The following ARFGAP3 variants were observed in gnomAD, a reference collection of about 807,000 sequenced individuals.
ARFGAP3 encodes the protein ADP-ribosylation factor GTPase-activating protein 3.
ARFGAP3 carries 72 observed loss-of-function variants against 75.0 expected under a neutral mutation model. That is an observed-to-expected ratio of 0.96 (90% CI 0.79 to 1.17). ARFGAP3 has a LOEUF of 1.17. Ranked by LOEUF, ARFGAP3 falls within the 50% of genes most tolerant of loss-of-function variation. The pLI is 0.00. For synonymous variants in ARFGAP3, 221 were observed against 217.9 expected, an observed-to-expected ratio of 1.01 and a Z score of -0.13; for missense variants, 620 against 626.6, an observed-to-expected ratio of 0.99 and a Z score of 0.11.
chr22:42,840,301 T>C (rs1569165879), intron 3 of ARFGAP3, among the ~76,000 whole-genome samples: 1 of 152,146 alleles, frequency 6.6e-6, no homozygotes, highest in Non-Finnish European at 1.5e-5. Context: ...TTATTAGGTG[T>C]TTAACAGATT....
intron 3 of ARFGAP3, among the ~76,000 whole-genome samples, chr22:42,836,701 G>A (rs1368352595): frequency 6.6e-6 from 1 of 152,140 alleles, no homozygotes; most frequent in Non-Finnish European, 1.5e-5. Flanking sequence ...ATCCTTTGAT[G>A]AACCTAATTT....
chr22:42,856,992 G>T, intron 1 of ARFGAP3, 122 bp downstream of exon 1: 1 of 1,042,478 alleles, frequency 9.6e-7, no homozygotes, highest in Non-Finnish European at 1.2e-6. Flanking sequence ...CGGCCCCACA[G>T]TGCGACGTGT....
chr22:42,806,277 G>A (rs1925117675), intron 14 of ARFGAP3, among the ~76,000 whole-genome samples: 1 of 152,128 alleles, frequency 6.6e-6, no homozygotes, highest in African/African-American at 2.4e-5. Flanking sequence ...CCCCACTGTG[G>A]CCTGGCAGAG....
intron 14 of ARFGAP3, among the ~76,000 whole-genome samples, chr22:42,806,121 T>G (rs991151712): frequency 6.6e-6 from 1 of 152,334 alleles, no homozygotes. Flanking sequence ...CCAGCTCCTC[T>G]AGGCCTAGGG....
chr22:42,848,936 C>A (rs905439919), intron 1 of ARFGAP3, among the ~76,000 whole-genome samples: 5 of 152,208 alleles, frequency 3.3e-5, no homozygotes, highest in Non-Finnish European at 7.3e-5. Context: ...CTGTCTCCCC[C>A]ACTCTCTTTT....
At chr22:42,803,661 G>A (rs759808814) in intron 14 of ARFGAP3, among the ~76,000 whole-genome samples, 10 of 152,158 alleles carry the variant, frequency 6.6e-5, no homozygotes, top group Non-Finnish European at 1.3e-4. Context: ...CCATGGGTGT[G>A]ACCACAGGGA....
rs1925907541 is a variant in ARFGAP3 at position 42,823,638 on chromosome 22, A to G, written c.672+18T>C. The G allele has an allele frequency of 6.6e-7, 1 of 1,511,126 alleles. No homozygotes were observed. Among genetic ancestry groups the G allele is most frequent in the South Asian group, 1.3e-5 (1 of 79,466 alleles). The allele number at this position is 1,511,126 out of a possible 1,614,324, so 93.6% of individuals were successfully genotyped here. On this transcript the variant is annotated intron_variant, in intron 8 of 15. Coordinates refer to ENST00000263245, the MANE Select transcript of ARFGAP3 (RefSeq NM_014570.5). ...GCTTAACTACCAGATTTTTATATAT[A>G]AAGTACATAATACTCACGCCTTTTT...
intron 11 of ARFGAP3, among the ~76,000 whole-genome samples, chr22:42,813,915 T>C (rs1925474443): frequency 2.0e-5 from 3 of 152,260 alleles, no homozygotes; most frequent in African/African-American, 7.2e-5. Flanking sequence ...AATGCTTTTT[T>C]ACTTTTATTT....
At chr22:42,827,248 G>A (rs1926082446) in intron 6 of ARFGAP3, 1 of 237,982 alleles carries the variant, frequency 4.2e-6, no homozygotes, top group Non-Finnish European at 6.8e-6. Flanking sequence ...CAACTAATAC[G>A]ATTCAAAATT....
chr22:42,800,445 C>A (rs1924805211), intron 14 of ARFGAP3, among the ~76,000 whole-genome samples: 1 of 152,184 alleles, frequency 6.6e-6, no homozygotes, highest in South Asian at 2.1e-4. Flanking sequence ...GCAGGAGAAT[C>A]ACTTGAACCT....
intron 1 of ARFGAP3, among the ~76,000 whole-genome samples, chr22:42,852,070 CTTT>C (rs777750657): frequency 2.2e-5 from 3 of 136,428 alleles, no homozygotes; most frequent in Non-Finnish European, 1.6e-5. Context: ...TCTTGAAATT[CTTT>C]TTTTTTTTTT....
In ARFGAP3 at chr22:42,807,154, T is replaced by G. The variant is rs985788919; in HGVS notation, c.1330A>C (p.Arg444=). The G allele has an allele frequency of 6.2e-7, 1 of 1,611,466 alleles. No homozygotes were observed. The highest frequency in any genetic ancestry group is 1.3e-5 in the African/African-American group (1 of 74,880). The change falls in exon 14 of 16, where the codon AGG becomes CGG. Residue 444 remains arginine, a synonymous_variant. Transcript: ENST00000263245. The part of the protein sequence containing the change: ...GRQSQADYET[R]ARLERLSASS... ...GCCGACAGCCTCTCTAGGCGGGCCC[T>G]GGTCTCATACTAGAGAAGACAAGGA...
chr22:42,818,811 A>G (rs1391205246), intron 9 of ARFGAP3, among the ~76,000 whole-genome samples: 1 of 76,596 alleles, frequency 1.3e-5, no homozygotes. Flanking sequence ...GAAAGACAAC[A>G]GAATTTCTTT....
At position 42,810,555 on chromosome 22, in the gene ARFGAP3, TCAA is replaced by T. The variant is rs150721767; in HGVS notation, c.1196+255_1196+257del. On this transcript the variant is annotated intron_variant, in intron 12 of 15. Coordinates refer to ENST00000263245, the MANE Select transcript of ARFGAP3 (RefSeq NM_014570.5). Reference sequence around the variant, plus strand: ...TCATTTACTAGTCTTACAAAAGGTTTCAAAAGGTTTTCCTTTTTGAGGGGGACT... The same window carrying T: ...TCATTTACTAGTCTTACAAAAGGTTTAAGGTTTTCCTTTTTGAGGGGGACT... Among the ~76,000 whole-genome samples the T allele has an allele frequency of 4.9e-3, 754 of 152,350 alleles. 1 individual carries two copies. The highest frequency in any genetic ancestry group is 0.016 in the African/African-American group (661 of 41,580).
rs528717399 is a variant in ARFGAP3, at chr22:42,808,836, G to C, written c.1251C>G (p.Ala417=). The part of the protein sequence containing the change: ...DYEPVENTDE[A]QKKFGNVKAI... ...CCTTGACATTGCCAAACTTCTTCTG[G>C]GCCTCATCTGTATTTTCAACTGGCT... The change falls in exon 13 of 16, where the codon GCC becomes GCG. Residue 417 remains alanine, a synonymous_variant. Transcript: ENST00000263245. 8.1e-6 allele frequency: 13 copies of C among 1,613,210 alleles called. No individual in the cohort carries two copies. In the South Asian group the frequency reaches 1.3e-4, roughly 16 times the overall value.
At chr22:42,843,763 A>C (rs1343551141) in intron 2 of ARFGAP3, among the ~76,000 whole-genome samples, 1 of 152,164 alleles carries the variant, frequency 6.6e-6, no homozygotes, top group Non-Finnish European at 1.5e-5. Context: ...AGCTCATGAA[A>C]TACGTAACGG....
rs566742821 is a variant in ARFGAP3 at position 42,817,726 on chromosome 22, T to C, written c.941+3A>G. On this transcript the variant is annotated splice_donor_region_variant and intron_variant, in intron 10 of 15. Coordinates refer to ENST00000263245, the MANE Select transcript of ARFGAP3 (RefSeq NM_014570.5). ...CTAACTCCAAGAAAGCAGTCTCACA[T>C]ACCTTCTGCAATTTCCAAATCCCAT... 30 of 1,608,282 alleles carry C rather than the reference T, an allele frequency of 1.9e-5. No individual in the cohort carries two copies. The South Asian group carries it at 2.9e-4, about 15-fold the overall frequency.
intron 1 of ARFGAP3, among the ~76,000 whole-genome samples, chr22:42,856,892 C>A (rs1225080345): frequency 6.6e-6 from 1 of 151,166 alleles, no homozygotes; most frequent in Non-Finnish European, 1.5e-5. Flanking sequence ...GGAACGCTCC[C>A]CGGCTCGCGT....
intron 2 of ARFGAP3, among the ~76,000 whole-genome samples, chr22:42,844,327 G>A (rs1926913596): frequency 6.6e-6 from 1 of 152,092 alleles, no homozygotes; most frequent in Non-Finnish European, 1.5e-5. Context: ...GCTCATGCCT[G>A]TAAACCCAGC....
Sources: allele counts gnomAD v4.1 joint callset (sites outside exome capture counted in the v4.1 genomes callset), GRCh38; gene constraint gnomAD v4.1.1; transcripts MANE v1.5; gene names NCBI Gene and HGNC (gene_info 2026-07-23, HGNC 2026-07-21).